Variants in CHRNA7 observed in about 807,000 individuals in gnomAD.
The protein encoded by CHRNA7 is cholinergic receptor nicotinic alpha 7 subunit.
CHRNA7 carries 17 observed loss-of-function variants against 48.0 expected under a neutral mutation model. That is an observed-to-expected ratio of 0.35 (90% CI 0.24 to 0.53). The LOEUF is 0.53. Among genes scored for constraint, CHRNA7 ranks in the 20% least tolerant of loss-of-function variants. The pLI, the probability that CHRNA7 is intolerant of heterozygous loss-of-function variation, is 0.92. For missense variants in CHRNA7, 155 were observed against 577.7 expected, an observed-to-expected ratio of 0.27 and a Z score of 7.50; for synonymous variants, 75 against 242.3, an observed-to-expected ratio of 0.31 and a Z score of 6.41.
chr15:32,086,776 C>A (rs1486017902), intron 2 of CHRNA7, among the ~76,000 whole-genome samples: 1 of 152,030 alleles, frequency 6.6e-6, no homozygotes, highest in Admixed American at 6.5e-5. Flanking sequence ...CATGTCTCTT[C>A]ATTGGGATTT....
chr15:32,166,371 G>A (rs1332991439), intron 9 of CHRNA7: 1 of 152,194 alleles, frequency 6.6e-6, no homozygotes, highest in Non-Finnish European at 1.5e-5. Flanking sequence ...AACCCTCCAA[G>A]GTCAGCAGAC....
At chr15:32,069,102 A>G (rs1014655313) in intron 2 of CHRNA7, among the ~76,000 whole-genome samples, 19 of 152,212 alleles carry the variant, frequency 1.2e-4, no homozygotes, top group African/African-American at 4.6e-4. Context: ...ACTTAATAAT[A>G]GAGTTAATAA....
At chr15:32,113,526 A>C (rs2050797863) in intron 4 of CHRNA7, among the ~76,000 whole-genome samples, 3 of 152,136 alleles carry the variant, frequency 2.0e-5, no homozygotes, top group Admixed American at 2.0e-4. Context: ...TAGCTGTAAT[A>C]TTTACAGTCT....
chr15:32,096,770 C>G (rs2050476173), intron 2 of CHRNA7, among the ~76,000 whole-genome samples: 1 of 152,206 alleles, frequency 6.6e-6, no homozygotes, highest in Admixed American at 6.5e-5. Context: ...CAGTTGTACT[C>G]TAAACCAGAT....
chr15:32,102,943 C>G (rs1237575848), intron 3 of CHRNA7: 1 of 152,218 alleles, frequency 6.6e-6, no homozygotes, highest in Non-Finnish European at 1.5e-5. Flanking sequence ...AGAATTTAAA[C>G]CCACCTGACC....
At chr15:32,071,784 A>G (rs1197858833) in intron 2 of CHRNA7, among the ~76,000 whole-genome samples, 1 of 151,018 alleles carries the variant, frequency 6.6e-6, no homozygotes, top group East Asian at 1.9e-4. Flanking sequence ...TGCTGGCACT[A>G]TGCTTCTCGT....
intron 2 of CHRNA7, among the ~76,000 whole-genome samples, chr15:32,087,814 C>A (rs1486410473): frequency 6.6e-6 from 1 of 152,208 alleles, no homozygotes; most frequent in Non-Finnish European, 1.5e-5. Flanking sequence ...TTGCAGAATA[C>A]ACCCAGTTTC....
chr15:32,120,894 G>A (rs568940440), intron 4 of CHRNA7, among the ~76,000 whole-genome samples: 43 of 152,286 alleles, frequency 2.8e-4, no homozygotes, highest in African/African-American at 9.9e-4. Flanking sequence ...CTCAATGGGC[G>A]GTTCAGTCTT....
intron 4 of CHRNA7, among the ~76,000 whole-genome samples, chr15:32,121,912 C>G (rs1473729952): frequency 1.3e-5 from 2 of 152,140 alleles, no homozygotes; most frequent in Non-Finnish European, 1.5e-5. Flanking sequence ...CAGGGACTAG[C>G]TATAATCTAA....
At chr15:32,101,093 T>G (rs1022369043) in intron 2 of CHRNA7, 50 of 506,702 alleles carry the variant, frequency 9.9e-5, no homozygotes, top group Non-Finnish European at 6.8e-6. Context: ...CTTTTTTAAG[T>G]GCTGTATAAT....
At chr15:32,098,711 G>T (rs556815772) in intron 2 of CHRNA7, 27 of 152,306 alleles carry the variant, frequency 1.8e-4, no homozygotes, top group African/African-American at 6.5e-4. Context: ...GCCCCAGGAC[G>T]CCACCCCTTG....
intron 2 of CHRNA7, among the ~76,000 whole-genome samples, chr15:32,060,424 A>G (rs1374618992): frequency 1.3e-5 from 2 of 152,224 alleles, no homozygotes; most frequent in African/African-American, 4.8e-5. Context: ...ATGCATTTTC[A>G]CATAACTTTC....
At chr15:32,078,492 G>T (rs191238602) in intron 2 of CHRNA7, among the ~76,000 whole-genome samples, 4 of 151,964 alleles carry the variant, frequency 2.6e-5, no homozygotes, top group South Asian at 4.2e-4. Flanking sequence ...TGTTTTTCTA[G>T]TCTCTGCCAA....
chr15:32,050,407 C>T (rs985838758), intron 2 of CHRNA7, among the ~76,000 whole-genome samples: 11 of 152,220 alleles, frequency 7.2e-5, no homozygotes, highest in South Asian at 2.1e-4. Flanking sequence ...CATCTTCCAT[C>T]GCTGATACCC....
intron 2 of CHRNA7, among the ~76,000 whole-genome samples, chr15:32,073,749 A>G (rs1373680425): frequency 2.6e-5 from 4 of 152,114 alleles, no homozygotes; most frequent in Non-Finnish European, 4.4e-5. Flanking sequence ...CTTGCCCTCT[A>G]TCTTGCTCCC....
intron 2 of CHRNA7, among the ~76,000 whole-genome samples, chr15:32,063,200 A>G (rs1033450236): frequency 3.3e-5 from 5 of 151,974 alleles, no homozygotes; most frequent in African/African-American, 1.2e-4. Context: ...GCTACTGTAG[A>G]CTTCGTAAAC....
chr15:32,069,972 C>G (rs974433053), intron 2 of CHRNA7, among the ~76,000 whole-genome samples: 2 of 151,704 alleles, frequency 1.3e-5, no homozygotes, highest in African/African-American at 4.8e-5. Flanking sequence ...TCTGATTTTC[C>G]CCCCGCCCAC....
chr15:32,129,914 T>A lies in CHRNA7; in HGVS notation c.350+18015T>A, dbSNP rs923052175. 9.2e-5 allele frequency among the ~76,000 whole-genome samples: 14 copies of A among 152,092 alleles called. No homozygotes were observed. The East Asian group carries it at 2.7e-3, about 29-fold the overall frequency. ...ATTGATACATTGCATTTTTATTCAGTTCAGTGTATTTTTTTCCATTTCCTT... is the reference window on the plus strand; with the variant it reads ...ATTGATACATTGCATTTTTATTCAGATCAGTGTATTTTTTTCCATTTCCTT... On this transcript the variant is annotated intron_variant, in intron 4 of 9. Transcript: ENST00000306901.
At chr15:32,164,915 A>T (rs1211102656) in intron 9 of CHRNA7, among the ~76,000 whole-genome samples, 1 of 5,822 alleles carries the variant, frequency 1.7e-4, no homozygotes, top group Non-Finnish European at 4.4e-4. Context: ...CCATCTCCTA[A>T]AAAAAAAAAA....
Sources: gnomAD v4.1 joint callset for allele counts (sites outside exome capture counted in the v4.1 genomes callset) on GRCh38, gnomAD v4.1.1 for gene constraint, MANE v1.5 for transcripts, NCBI Gene and HGNC (gene_info 2026-07-23, HGNC 2026-07-21) for gene names.